SLC35F1: variants seen among roughly 807,000 people sequenced by gnomAD.
SLC35F1 encodes chromosome 6 open reading frame 169.
In SLC35F1, 14 loss-of-function variants were observed where a neutral mutation model predicts 48.7. The ratio of observed to expected loss-of-function variants is 0.29; its 90% CI spans 0.19 to 0.45. The LOEUF is 0.45. Ranked by LOEUF, SLC35F1 falls within the 20% of genes least tolerant of loss-of-function variation. The pLI is 1.00. For synonymous variants in SLC35F1, 190 were observed against 202.2 expected (o/e 0.94, Z 0.51); for missense variants, 404 against 500.0 (o/e 0.81, Z 1.83).
intron 7 of SLC35F1, among the ~76,000 whole-genome samples, chr6:118,286,708 A>G (rs973315365): frequency 6.6e-6 from 1 of 152,188 alleles, no homozygotes; most frequent in African/African-American, 2.4e-5. Flanking sequence ...GGATGTATGT[A>G]TACATTGTGA....
At chr6:117,937,632 T>C (rs527637499) in intron 1 of SLC35F1, among the ~76,000 whole-genome samples, 1 of 152,290 alleles carries the variant, frequency 6.6e-6, no homozygotes, top group Non-Finnish European at 1.5e-5. Flanking sequence ...ATTCTCCCAG[T>C]GTCTCAACAT....
At chr6:118,286,842 T>A (rs963928667) in intron 7 of SLC35F1, among the ~76,000 whole-genome samples, 1 of 151,604 alleles carries the variant, frequency 6.6e-6, no homozygotes, top group Non-Finnish European at 1.5e-5. Context: ...AAGATCTACT[T>A]CCTTCGCAAA....
intron 1 of SLC35F1, among the ~76,000 whole-genome samples, chr6:118,100,374 C>T (rs977103535): frequency 1.3e-5 from 2 of 152,072 alleles, no homozygotes; most frequent in Non-Finnish European, 2.9e-5. Flanking sequence ...ACTTCAGACA[C>T]CAGCCTCAAG....
At chr6:118,228,873 C>G (rs909634133) in intron 2 of SLC35F1, among the ~76,000 whole-genome samples, 7 of 151,760 alleles carry the variant, frequency 4.6e-5, no homozygotes, top group African/African-American at 1.7e-4. Context: ...TTTGTTCTGG[C>G]GTAAAAACAC....
intron 2 of SLC35F1, among the ~76,000 whole-genome samples, chr6:118,186,332 T>C (rs9489317): frequency 0.44 from 66,852 of 151,720 alleles, 15,770 homozygotes; most frequent in South Asian, 0.6. Context: ...TTCTACTCTA[T>C]GAGAGTAAAA....
chr6:118,124,680 C>T (rs542570523), intron 1 of SLC35F1, among the ~76,000 whole-genome samples: 2 of 152,120 alleles, frequency 1.3e-5, no homozygotes, highest in Non-Finnish European at 2.9e-5. Flanking sequence ...GGTTGTAAAC[C>T]TGATGAGAGT....
At chr6:117,988,791 G>T (rs1458268627) in intron 1 of SLC35F1, among the ~76,000 whole-genome samples, 1 of 152,182 alleles carries the variant, frequency 6.6e-6, no homozygotes, top group Non-Finnish European at 1.5e-5. Context: ...AGCAAATGGG[G>T]AGTTAGTGTT....
At chr6:118,009,919 G>T (rs1021311088) in intron 1 of SLC35F1, among the ~76,000 whole-genome samples, 1 of 152,114 alleles carries the variant, frequency 6.6e-6, no homozygotes, top group African/African-American at 2.4e-5. Context: ...TGACAAAGAA[G>T]TTTCGTTGTT....
At chr6:118,008,243 C>T (rs989655799) in intron 1 of SLC35F1, among the ~76,000 whole-genome samples, 7 of 148,638 alleles carry the variant, frequency 4.7e-5, no homozygotes, top group Non-Finnish European at 8.9e-5. Context: ...CTGTTATATA[C>T]CAATAAAATA....
At chr6:117,986,012 G>A (rs1357968838) in intron 1 of SLC35F1, among the ~76,000 whole-genome samples, 1 of 152,214 alleles carries the variant, frequency 6.6e-6, no homozygotes, top group Non-Finnish European at 1.5e-5. Flanking sequence ...TTGGAAGCTA[G>A]GCAGCTATGT....
chr6:118,019,632 A>AG (rs1466224095), intron 1 of SLC35F1, among the ~76,000 whole-genome samples: 2 of 152,194 alleles, frequency 1.3e-5, no homozygotes, highest in African/African-American at 4.8e-5. Context: ...AAAAAAAAAA[A>AG]GAAATGGGTA....
chr6:117,958,259 A>C (rs1776452210), intron 1 of SLC35F1, among the ~76,000 whole-genome samples: 1 of 152,248 alleles, frequency 6.6e-6, no homozygotes. Context: ...CTGTTATCAC[A>C]AAAGAGTCAA....
At chr6:118,050,108 C>G (rs1485945504) in intron 1 of SLC35F1, among the ~76,000 whole-genome samples, 5 of 151,906 alleles carry the variant, frequency 3.3e-5, no homozygotes, top group Admixed American at 6.6e-5. Context: ...AGCAAACTAT[C>G]ACAAGGACAA....
chr6:118,022,858 C>G (rs1459950728), intron 1 of SLC35F1, among the ~76,000 whole-genome samples: 2 of 150,622 alleles, frequency 1.3e-5, no homozygotes, highest in Non-Finnish European at 2.9e-5. Flanking sequence ...TCGCGCCATT[C>G]TCCTGCCTCA....
rs534945147 is a variant in SLC35F1, at chr6:118,290,687, A to G, written c.1002+5349A>G. ...CTCAGGGCCCTACTTCCCTGTCTCT[A>G]ACATTGGCCTTGGGGTCTTCAGGTG... On this transcript the variant is annotated intron_variant, in intron 7 of 7. Coordinates refer to ENST00000360388, the MANE Select transcript of SLC35F1 (RefSeq NM_001029858.4). Among the ~76,000 whole-genome samples the G allele has an allele frequency of 3.3e-5, 5 of 152,204 alleles. No individual in the cohort carries two copies. The South Asian group carries it at 1.0e-3, about 32-fold the overall frequency.
At chr6:118,264,324 G>T (rs1775746393) in intron 3 of SLC35F1, among the ~76,000 whole-genome samples, 1 of 152,162 alleles carries the variant, frequency 6.6e-6, no homozygotes, top group Non-Finnish European at 1.5e-5. Flanking sequence ...GATTTATTCA[G>T]CCACCAATTA....
At chr6:118,238,042 C>T (rs1359813385) in intron 3 of SLC35F1, among the ~76,000 whole-genome samples, 1 of 152,180 alleles carries the variant, frequency 6.6e-6, no homozygotes, top group Non-Finnish European at 1.5e-5. Flanking sequence ...CTTCCTTTCT[C>T]ATCTTAGAAA....
At chr6:118,284,350 A>ATTT (rs35154293) in intron 6 of SLC35F1, among the ~76,000 whole-genome samples, 1 of 150,744 alleles carries the variant, frequency 6.6e-6, no homozygotes, top group Non-Finnish European at 1.5e-5. Context: ...AAAGAGCATT[A>ATTT]TTTTTTTTTT....
intron 4 of SLC35F1, among the ~76,000 whole-genome samples, chr6:118,273,368 A>G (rs762932281): frequency 7.9e-5 from 12 of 152,184 alleles, no homozygotes; most frequent in Non-Finnish European, 1.5e-4. Flanking sequence ...GCTTTCTTCA[A>G]TTCATTCTAT....
Sources: gnomAD v4.1 joint callset for allele counts (sites outside exome capture counted in the v4.1 genomes callset) on GRCh38, gnomAD v4.1.1 for gene constraint, MANE v1.5 for transcripts, NCBI Gene and HGNC (gene_info 2026-07-23, HGNC 2026-07-21) for gene names.